The following BCAS1 variants were observed in gnomAD, a reference collection of about 807,000 sequenced individuals.
The protein encoded by BCAS1 is brain enriched myelin associated protein 1.
BCAS1 carries 46 observed loss-of-function variants against 65.4 expected under a neutral mutation model. The observed-to-expected ratio is 0.70, with a 90% CI of 0.55 to 0.90. BCAS1 has a LOEUF of 0.90. BCAS1 is among the 40% of genes least tolerant of loss of function. BCAS1 has a pLI of 0.00. For missense variants in BCAS1, 793 were observed against 771.2 expected, an observed-to-expected ratio of 1.03 and a Z score of -0.33; for synonymous variants, 298 against 293.5, an observed-to-expected ratio of 1.02 and a Z score of -0.16.
At position 54,058,690 on chromosome 20, in the gene BCAS1, C is replaced by A; in HGVS notation, c.29G>T (p.Arg10Ile). 6.3e-7 allele frequency: 1 copy of A among 1,586,460 alleles called. No individual in the cohort carries two copies. The highest frequency in any genetic ancestry group is 1.4e-5 in the African/African-American group (1 of 72,072). MGNQMSVPQ[R>I]VEDQENEPEA... is the part of the protein sequence containing the mutation. Reference sequence around the variant, plus strand: ...TGGTTCATTCTCTTGGTCTTCAACTCTTTGGGGAACACTCATTTGGTTACC... The same window carrying A: ...TGGTTCATTCTCTTGGTCTTCAACTATTTGGGGAACACTCATTTGGTTACC... Residue 10 changes from arginine (R) to isoleucine (I), a missense_variant, in exon 2 of 13, where the codon AGA becomes ATA. Coordinates refer to ENST00000688948, the MANE Select transcript of BCAS1 (RefSeq NM_001366298.2).
At chr20:54,064,377 T>A (rs1423034459) in intron 1 of BCAS1, among the ~76,000 whole-genome samples, 1 of 152,166 alleles carries the variant, frequency 6.6e-6, no homozygotes, top group Admixed American at 6.5e-5. Context: ...AACCCACGGA[T>A]TCTCAGACGG....
intron 8 of BCAS1, among the ~76,000 whole-genome samples, chr20:53,981,192 A>G (rs1238993556): frequency 6.6e-6 from 1 of 152,210 alleles, no homozygotes; most frequent in Admixed American, 6.5e-5. Flanking sequence ...ATCATGTGAC[A>G]GCTCTTCTGA....
Position 54,028,377 on chromosome 20 carries a change from C to A in BCAS1, c.723+15G>T, listed in dbSNP as rs2091723019. On this transcript the variant is annotated intron_variant, in intron 4 of 12. Coordinates refer to ENST00000688948, the MANE Select transcript of BCAS1 (RefSeq NM_001366298.2). ...ATGCATTCAGAACCAAGTGGATACA[C>A]CTTGGCACACTTACCTTCCCTGCAG... The A allele has an allele frequency of 6.2e-7, 1 of 1,613,626 alleles. No homozygotes were observed. The highest frequency in any genetic ancestry group is 8.5e-7 in the Non-Finnish European group (1 of 1,179,502).
Position 54,058,668 on chromosome 20 carries a change from T to C in BCAS1, c.51A>G (p.Glu17=), listed in dbSNP as rs753741280. Residue 17 remains glutamate, a synonymous_variant, in exon 2 of 13, where the codon GAA becomes GAG. Transcript: ENST00000688948. ...CTACCTGGTAAGTCTCTGCTTCTGG[T>C]TCATTCTCTTGGTCTTCAACTCTTT... ...VPQRVEDQEN[E]PEAETYQDNA... The C allele has an allele frequency of 1.2e-6, 2 of 1,607,588 alleles. No individual in the cohort carries two copies. The highest frequency in any genetic ancestry group is 1.7e-6 in the Non-Finnish European group (2 of 1,177,634).
intron 4 of BCAS1, among the ~76,000 whole-genome samples, chr20:54,010,220 G>T (rs893082254): frequency 6.6e-6 from 1 of 152,168 alleles, no homozygotes; most frequent in African/African-American, 2.4e-5. Context: ...AGTAGTGGAA[G>T]TTCTAGGAAG....
chr20:53,995,292 C>T (rs1453645339), intron 5 of BCAS1, among the ~76,000 whole-genome samples: 1 of 152,198 alleles, frequency 6.6e-6, no homozygotes, highest in African/African-American at 2.4e-5. Flanking sequence ...AGTTTGACCA[C>T]ATTCAAAATT....
intron 8 of BCAS1, among the ~76,000 whole-genome samples, chr20:53,978,408 T>C (rs2090391729): frequency 6.6e-6 from 1 of 152,174 alleles, no homozygotes; most frequent in Non-Finnish European, 1.5e-5. Context: ...ACAGCAAATG[T>C]CATATCAACA....
chr20:53,979,941 T>C (rs2090435564), intron 8 of BCAS1, among the ~76,000 whole-genome samples: 3 of 152,180 alleles, frequency 2.0e-5, no homozygotes, highest in African/African-American at 7.2e-5. Flanking sequence ...TATGTTGCTT[T>C]TGAAATGTTC....
rs370032238 is a variant in BCAS1, at chr20:54,058,690, C to G, written c.29G>C (p.Arg10Thr). The change falls in exon 2 of 13, where the codon AGA (arginine) becomes ACA (threonine). Residue 10 changes from arginine (R) to threonine (T), a missense_variant. Coordinates refer to ENST00000688948, the MANE Select transcript of BCAS1 (RefSeq NM_001366298.2). MGNQMSVPQ[R>T]VEDQENEPEA... ...TGGTTCATTCTCTTGGTCTTCAACT[C>G]TTTGGGGAACACTCATTTGGTTACC... 1 of 1,586,460 alleles carries G rather than the reference C, an allele frequency of 6.3e-7. No homozygotes were observed. The highest frequency in any genetic ancestry group is 2.3e-5 in the East Asian group (1 of 43,202).
intron 3 of BCAS1, among the ~76,000 whole-genome samples, chr20:54,052,810 T>C (rs541434982): frequency 6.6e-6 from 1 of 152,330 alleles, no homozygotes; most frequent in East Asian, 1.9e-4. Context: ...AAATTTCTAC[T>C]TTTTATAAAT....
intron 9 of BCAS1, 103 bp downstream of exon 9, chr20:53,975,286 G>T: frequency 1.0e-6 from 1 of 955,250 alleles, no homozygotes; most frequent in South Asian, 1.4e-5. Context: ...GAATCACACT[G>T]GCAGCATGCA....
chr20:54,045,030 G>A (rs1568915808), intron 3 of BCAS1, among the ~76,000 whole-genome samples: 2 of 151,784 alleles, frequency 1.3e-5, no homozygotes, highest in Non-Finnish European at 2.9e-5. Flanking sequence ...GGATAACAAA[G>A]GGAGACCTCA....
chr20:54,025,622 T>A (rs1433033419), intron 4 of BCAS1, among the ~76,000 whole-genome samples: 1 of 152,048 alleles, frequency 6.6e-6, no homozygotes, highest in Non-Finnish European at 1.5e-5. Context: ...GGAATTCCAA[T>A]CCAGCAGGGA....
intron 3 of BCAS1, among the ~76,000 whole-genome samples, chr20:54,056,629 GCCC>G (rs757326533): frequency 1.4e-4 from 22 of 152,002 alleles, no homozygotes; most frequent in Non-Finnish European, 2.8e-4. Context: ...CTTCTACAGA[GCCC>G]CCAATAGTTC....
At chr20:54,029,009 A>G (rs1003254611) in intron 3 of BCAS1, 37 bp from the exon 4 acceptor site, 2 of 1,560,402 alleles carry the variant, frequency 1.3e-6, no homozygotes, top group African/African-American at 2.7e-5. Flanking sequence ...TATTCAGCCA[A>G]GCCGGGAAAT....
In BCAS1 at chr20:54,041,908, C is replaced by CAAAAAAAAAAA. The variant is rs1391284796; in HGVS notation, c.143-12937_143-12936insTTTTTTTTTTT. Among the ~76,000 whole-genome samples the CAAAAAAAAAAA allele has an allele frequency of 9.8e-3, 660 of 67,218 alleles. 166 individuals carry two copies. Among genetic ancestry groups the CAAAAAAAAAAA allele is most frequent in the Non-Finnish European group, 0.013 (463 of 34,580 alleles). The allele number at this position is 67,218 out of a possible 152,430, so 44.1% of individuals were successfully genotyped here. On this transcript the variant is annotated intron_variant, in intron 3 of 12. Transcript: ENST00000688948. ...AGTTCAGAGTGAGACTCTGTCTCCC[C>CAAAAAAAAAAA]CAAAAAAAAAAAAAAAAAAAAAAGA...
chr20:54,023,614 C>G (rs2091608094), intron 4 of BCAS1, among the ~76,000 whole-genome samples: 1 of 152,108 alleles, frequency 6.6e-6, no homozygotes, highest in African/African-American at 2.4e-5. Flanking sequence ...GAGAAAATAC[C>G]AGGAGACAGA....
chr20:53,955,349 G>A (rs2089668224), intron 11 of BCAS1, among the ~76,000 whole-genome samples: 1 of 152,220 alleles, frequency 6.6e-6, no homozygotes. Context: ...AACTGTCAGA[G>A]TTGCAGCAAA....
At chr20:53,987,873 A>T (rs1210497125) in intron 7 of BCAS1, among the ~76,000 whole-genome samples, 1 of 152,186 alleles carries the variant, frequency 6.6e-6, no homozygotes, top group Non-Finnish European at 1.5e-5. Flanking sequence ...CGCACAGGGA[A>T]CAACTGCCCT....
Sources: gnomAD v4.1 joint callset for allele counts (sites outside exome capture counted in the v4.1 genomes callset) on GRCh38, gnomAD v4.1.1 for gene constraint, MANE v1.5 for transcripts, NCBI Gene and HGNC (gene_info 2026-07-23, HGNC 2026-07-21) for gene names.